RNF180: variants seen among roughly 807,000 people sequenced by gnomAD.
The protein encoded by RNF180 is ring finger protein 180, also known as E3 ubiquitin-protein ligase RNF180.
RNF180 carries 38 observed loss-of-function variants against 59.2 expected under a neutral mutation model. That is an observed-to-expected ratio of 0.64 (90% CI 0.50 to 0.84). The LOEUF (loss-of-function observed/expected upper bound fraction) is 0.84. Among genes scored for constraint, RNF180 ranks in the 40% least tolerant of loss-of-function variants. The probability of loss-of-function intolerance (pLI) is 0.00; values close to 1 mark genes in which losing one functional copy is unlikely to be tolerated. For missense variants in RNF180, 705 were observed against 700.9 expected, an observed-to-expected ratio of 1.01 and a Z score of -0.07; for synonymous variants, 262 against 240.3, an observed-to-expected ratio of 1.09 and a Z score of -0.84.
At chr5:64,363,422 G>A (rs184683390) in intron 7 of RNF180, among the ~76,000 whole-genome samples, 2 of 151,536 alleles carry the variant, frequency 1.3e-5, no homozygotes, top group African/African-American at 4.8e-5. Context: ...GCCTTATTTT[G>A]GGGCTCTCTA....
rs181172610 is a variant in RNF180 at position 64,372,162 on chromosome 5, T to C, written c.*2348T>C. On this transcript the variant is annotated 3_prime_UTR_variant, in exon 8 of 8. Transcript: ENST00000389100. Reference sequence around the variant, plus strand: ...CAAGCTTAATTATGGTAAAGGTTAATTTTAAACATGTTCACACATTCTTTT... The same window carrying C: ...CAAGCTTAATTATGGTAAAGGTTAACTTTAAACATGTTCACACATTCTTTT... The C allele has an allele frequency of 4.0e-5, 6 of 151,880 alleles. No individual in the cohort carries two copies. The East Asian group carries it at 1.2e-3, about 29-fold the overall frequency. The allele number at this position is 151,880 out of a possible 1,614,324, so 9.4% of individuals were successfully genotyped here. A position where few individuals can be genotyped will look rare whatever the true frequency, so the allele number is the denominator to read the frequency against.
intron 1 of RNF180, among the ~76,000 whole-genome samples, chr5:64,194,528 G>C (rs1294434814): frequency 1.3e-5 from 2 of 152,200 alleles, no homozygotes; most frequent in Non-Finnish European, 2.9e-5. Flanking sequence ...CCAGTAATGG[G>C]ATGGCTGGGT....
At chr5:64,224,543 A>G (rs926519052) in intron 5 of RNF180, among the ~76,000 whole-genome samples, 1 of 152,152 alleles carries the variant, frequency 6.6e-6, no homozygotes, top group Admixed American at 6.5e-5. Flanking sequence ...GTTAATATTT[A>G]ATGAGCTTTA....
intron 1 of RNF180, among the ~76,000 whole-genome samples, chr5:64,168,860 G>C (rs1425462331): frequency 6.6e-6 from 1 of 152,154 alleles, no homozygotes; most frequent in Non-Finnish European, 1.5e-5. Flanking sequence ...ATATCAAATT[G>C]GCTTTTATTA....
intron 5 of RNF180, among the ~76,000 whole-genome samples, chr5:64,281,833 A>G (rs1205798564): frequency 1.3e-5 from 2 of 152,158 alleles, no homozygotes; most frequent in African/African-American, 2.4e-5. Context: ...AATTTTATCA[A>G]AAGCCTTTTC....
At chr5:64,203,598 A>G in intron 2 of RNF180, among the ~76,000 whole-genome samples, 1 of 152,252 alleles carries the variant, frequency 6.6e-6, no homozygotes, top group Middle Eastern at 3.4e-3. Flanking sequence ...AAGTAAAAAT[A>G]TATTCATTTA....
intron 7 of RNF180, among the ~76,000 whole-genome samples, chr5:64,353,398 C>T (rs1367459561): frequency 6.6e-6 from 1 of 151,564 alleles, no homozygotes; most frequent in Admixed American, 6.6e-5. Context: ...GGAAGGCAAC[C>T]GTTCAATCAA....
rs1300686738 is a variant in RNF180 at position 64,370,849 on chromosome 5, T to C, written c.*1035T>C. The stretch of plus-strand genomic sequence containing the variant: ...ATTTATTCAGTTATTCTGGTGGTCT[T>C]TGTGAAACCTGGGACAAAGTTTTTA... On this transcript the variant is annotated 3_prime_UTR_variant, in exon 8 of 8. Coordinates refer to ENST00000389100, the MANE Select transcript of RNF180 (RefSeq NM_001113561.2). The C allele has an allele frequency of 6.6e-6, 1 of 151,634 alleles. No homozygotes were observed. The highest frequency in any genetic ancestry group is 1.5e-5 in the Non-Finnish European group (1 of 67,724). The allele number at this position is 151,634 out of a possible 1,614,324, so 9.4% of individuals were successfully genotyped here.
chr5:64,231,893 C>T (rs933785478), intron 5 of RNF180, among the ~76,000 whole-genome samples: 1 of 152,156 alleles, frequency 6.6e-6, no homozygotes, highest in Non-Finnish European at 1.5e-5. Flanking sequence ...GAGTAGTGCT[C>T]CCCTTAGCAC....
chr5:64,238,213 T>A (rs1366376711), intron 5 of RNF180, among the ~76,000 whole-genome samples: 4 of 152,200 alleles, frequency 2.6e-5, no homozygotes, highest in Non-Finnish European at 5.9e-5. Flanking sequence ...TATATGTTTA[T>A]CCCACATTTT....
chr5:64,211,159 CCTAGAGGAATATCTCAAAGGGAAAA>C (rs1307267701), intron 2 of RNF180, among the ~76,000 whole-genome samples: 11 of 152,070 alleles, frequency 7.2e-5, no homozygotes, highest in East Asian at 5.8e-4. Context: ...GTATGCAGGA[CCTAGAGGAATATCTCAAAGGGAAAA>C]CTAGAGGAAT....
chr5:64,236,071 G>A (rs1742426652), intron 5 of RNF180, among the ~76,000 whole-genome samples: 2 of 152,230 alleles, frequency 1.3e-5, no homozygotes, highest in African/African-American at 2.4e-5. Context: ...CTGGGTAATA[G>A]GCAGAGGTTG....
At chr5:64,225,989 C>T (rs1270690835) in intron 5 of RNF180, among the ~76,000 whole-genome samples, 2 of 143,172 alleles carry the variant, frequency 1.4e-5, no homozygotes, top group African/African-American at 5.2e-5. Context: ...CCCGGCCGCC[C>T]CTTCTGGGAA....
At chr5:64,230,857 TCTC>T (rs1479531392) in intron 5 of RNF180, among the ~76,000 whole-genome samples, 1 of 152,222 alleles carries the variant, frequency 6.6e-6, no homozygotes, top group Non-Finnish European at 1.5e-5. Context: ...ATTATTCACT[TCTC>T]TAGTTTTTCT....
At chr5:64,288,665 G>A (rs1437120152) in intron 5 of RNF180, among the ~76,000 whole-genome samples, 1 of 152,084 alleles carries the variant, frequency 6.6e-6, no homozygotes, top group Non-Finnish European at 1.5e-5. Flanking sequence ...ATTGTGAATG[G>A]GAGTTCATTC....
In RNF180 at chr5:64,324,815, A is replaced by G. The variant is rs553851793; in HGVS notation, c.1228-371A>G. On this transcript the variant is annotated intron_variant, in intron 5 of 7. Transcript: ENST00000389100. The stretch of plus-strand genomic sequence containing the variant: ...GCATGGATGCTCATATTAAAACTCT[A>G]TAACCTTGTGACAACCAGTTTATTT... Among the ~76,000 whole-genome samples the G allele has an allele frequency of 1.9e-4, 29 of 152,292 alleles. 1 individual carries two copies. The South Asian group carries it at 5.8e-3, about 30-fold the overall frequency.
chr5:64,197,932 G>A lies in RNF180; in HGVS notation c.1-2876G>A, dbSNP rs184331749. 4.4e-3 allele frequency among the ~76,000 whole-genome samples: 664 copies of A among 152,166 alleles called. 5 individuals carry two copies. The highest frequency in any genetic ancestry group is 6.5e-3 in the Non-Finnish European group (444 of 67,994). On this transcript the variant is annotated intron_variant, in intron 1 of 7. Transcript: ENST00000389100. ...ACTTGCATTTAAGTAAATTCAAGGT[G>A]TTCCTTATACTATATATTTGAGGAG...
At chr5:64,317,567 C>CAT (rs1744108544) in intron 5 of RNF180, among the ~76,000 whole-genome samples, 1 of 145,962 alleles carries the variant, frequency 6.9e-6, no homozygotes, top group Admixed American at 6.9e-5. Flanking sequence ...TATACACATA[C>CAT]ATATATATAC....
chr5:64,227,876 A>G lies in RNF180; in HGVS notation c.1227+10480A>G, dbSNP rs1267836165. ...ATTTACCATGTCAACCAAGATGTAC[A>G]CTGCCAACCTGTTTTTCTCTCTCAT... On this transcript the variant is annotated intron_variant, in intron 5 of 7. Coordinates refer to ENST00000389100, the MANE Select transcript of RNF180 (RefSeq NM_001113561.2). Among the ~76,000 whole-genome samples the G allele has an allele frequency of 3.3e-5, 5 of 152,216 alleles. No individual in the cohort carries two copies. In the East Asian group the frequency reaches 9.6e-4, roughly 29 times the overall value.
Sources: allele counts gnomAD v4.1 joint callset (sites outside exome capture counted in the v4.1 genomes callset), GRCh38; gene constraint gnomAD v4.1.1; transcripts MANE v1.5; gene names NCBI Gene and HGNC (gene_info 2026-07-23, HGNC 2026-07-21).